Variants in PIK3CB observed in about 807,000 individuals in gnomAD.
PIK3CB encodes the protein phosphatidylinositol-4,5-bisphosphate 3-kinase catalytic subunit beta.
PIK3CB carries 39 observed loss-of-function variants against 136.8 expected under a neutral mutation model. The observed-to-expected ratio is 0.29, with a 90% CI of 0.22 to 0.37. The LOEUF (loss-of-function observed/expected upper bound fraction) is 0.37, where lower values mean the gene tolerates loss of function less well. PIK3CB is among the 10% of genes least tolerant of loss of function. The pLI, the probability that PIK3CB is intolerant of heterozygous loss-of-function variation, is 1.00. For missense variants in PIK3CB, 868 were observed against 1,275.4 expected (o/e 0.68, Z 4.87); for synonymous variants, 428 against 436.6 (o/e 0.98, Z 0.25).
Position 138,684,714 on chromosome 3 carries a change from C to T in PIK3CB, c.2226G>A (p.Met742Ile), listed in dbSNP as rs1235228469. 6.2e-7 allele frequency: 1 copy of T among 1,613,754 alleles called. No homozygotes were observed. Residue 742 changes from methionine (M) to isoleucine (I), a missense_variant, in exon 17 of 24, where the codon ATG becomes ATA. Met to Ile is a conservative substitution (Grantham distance 10). Coordinates refer to ENST00000674063, the MANE Select transcript of PIK3CB (RefSeq NM_006219.3). ...KLNRAKGKEA[M>I]HTCLKQSAYR... The stretch of plus-strand genomic sequence containing the variant: ...AAGCACTCTGTTTTAAACAGGTATG[C>T]ATGGCCTCCTTCCCTTTGGCTCTGT...
At chr3:138,757,572 GAAAT>G (rs1478262742) in intron 3 of PIK3CB, among the ~76,000 whole-genome samples, 1 of 133,796 alleles carries the variant, frequency 7.5e-6, no homozygotes, top group East Asian at 2.2e-4. Context: ...AAAAAGGAAA[GAAAT>G]AATGTAAGAA....
chr3:138,743,209 T>A (rs1005817877), intron 4 of PIK3CB, among the ~76,000 whole-genome samples: 1 of 152,152 alleles, frequency 6.6e-6, no homozygotes, highest in African/African-American at 2.4e-5. Flanking sequence ...AAACTAAGAA[T>A]CAAGTTATTA....
chr3:138,654,246 A>T lies in PIK3CB; in HGVS notation c.*1143T>A, dbSNP rs1342927131. 1 of 214,370 alleles carries T rather than the reference A, an allele frequency of 4.7e-6. No homozygotes were observed. The highest frequency in any genetic ancestry group is 9.4e-6 in the Non-Finnish European group (1 of 106,284). 13.3% of individuals were successfully genotyped at this position (214,370 alleles called of 1,614,324 possible). On this transcript the variant is annotated 3_prime_UTR_variant, in exon 24 of 24. Coordinates refer to ENST00000674063, the MANE Select transcript of PIK3CB (RefSeq NM_006219.3). ...CAGGACTCAGAGAGATCACCCATTT[A>T]CACATTCAAACCAGTAGTTCCTATT...
At chr3:138,695,744 T>C (rs2044122773) in intron 13 of PIK3CB, among the ~76,000 whole-genome samples, 1 of 151,992 alleles carries the variant, frequency 6.6e-6, no homozygotes, top group Non-Finnish European at 1.5e-5. Flanking sequence ...CATATATTTA[T>C]ATAAATTGTT....
At chr3:138,743,099 T>G (rs545398460) in intron 4 of PIK3CB, among the ~76,000 whole-genome samples, 1 of 152,220 alleles carries the variant, frequency 6.6e-6, no homozygotes, top group African/African-American at 2.4e-5. Context: ...CATAAAAGAT[T>G]CATTGTTTTT....
chr3:138,695,056 G>A (rs1200740842), intron 13 of PIK3CB, 149 bp from the exon 14 acceptor site: 1 of 603,882 alleles, frequency 1.7e-6, no homozygotes, highest in African/African-American at 1.9e-5. Context: ...TGTTAATAGA[G>A]ACTAATAAAG....
At chr3:138,716,984 G>A (rs899303156) in intron 8 of PIK3CB, among the ~76,000 whole-genome samples, 12 of 148,924 alleles carry the variant, frequency 8.1e-5, no homozygotes, top group Admixed American at 3.4e-4. Context: ...GGCTGGGCAC[G>A]GTGGCTCATG....
In PIK3CB at chr3:138,699,028, A is replaced by G; in HGVS notation, c.1649T>C (p.Leu550Pro). ...AATAAGATCCATTTCATTTTCACAC[A>G]GTTGAGACAAGGGATCCCTGTCCAA... ...EILDRDPLSQ[L>P]CENEMDLIWT... The change falls in exon 13 of 24, where the codon CTG becomes CCG. Residue 550 changes from leucine (L) to proline (P), a missense_variant. By Grantham distance (98) the Leu-to-Pro change is moderately conservative (BLOSUM62 -3). Transcript: ENST00000674063. The G allele has an allele frequency of 6.2e-7, 1 of 1,604,982 alleles. No homozygotes were observed. Among genetic ancestry groups the G allele is most frequent in the Non-Finnish European group, 8.5e-7 (1 of 1,173,522 alleles).
chr3:138,729,208 G>C (rs945071434), intron 8 of PIK3CB, among the ~76,000 whole-genome samples: 9 of 151,836 alleles, frequency 5.9e-5, no homozygotes, highest in Non-Finnish European at 1.3e-4. Flanking sequence ...TTGAACCCGG[G>C]AGGCGGAGGT....
intron 1 of PIK3CB, among the ~76,000 whole-genome samples, chr3:138,800,029 T>C (rs192938784): frequency 8.1e-4 from 124 of 152,162 alleles, no homozygotes; most frequent in Non-Finnish European, 1.4e-3. Context: ...GCCTTACTGG[T>C]ATATTTTCTC....
intron 2 of PIK3CB, among the ~76,000 whole-genome samples, chr3:138,768,893 G>A (rs954235837): frequency 1.3e-5 from 2 of 152,218 alleles, no homozygotes; most frequent in African/African-American, 4.8e-5. Context: ...AGGCATTTCC[G>A]AGCCTGAGAG....
At chr3:138,745,091 A>G (rs1348185509) in intron 4 of PIK3CB, among the ~76,000 whole-genome samples, 1 of 152,142 alleles carries the variant, frequency 6.6e-6, no homozygotes, top group Non-Finnish European at 1.5e-5. Flanking sequence ...AACTTTTTCT[A>G]TATGAACGAT....
intron 1 of PIK3CB, among the ~76,000 whole-genome samples, chr3:138,807,424 A>G (rs549611019): frequency 2.1e-4 from 32 of 152,288 alleles, no homozygotes; most frequent in South Asian, 4.1e-4. Context: ...ACAGAGTGAA[A>G]CTGTCTCAAA....
At chr3:138,695,475 GT>G (rs2044117153) in intron 13 of PIK3CB, among the ~76,000 whole-genome samples, 1 of 151,986 alleles carries the variant, frequency 6.6e-6, no homozygotes. Context: ...AATAAAAACC[GT>G]TTATATTTTA....
At chr3:138,718,276 T>C (rs1329830975) in intron 8 of PIK3CB, among the ~76,000 whole-genome samples, 1 of 152,234 alleles carries the variant, frequency 6.6e-6, no homozygotes, top group Non-Finnish European at 1.5e-5. Flanking sequence ...TCTCTAATGA[T>C]CAGTGACATT....
chr3:138,660,779 T>C (rs1364667383), intron 21 of PIK3CB, among the ~76,000 whole-genome samples: 1 of 152,208 alleles, frequency 6.6e-6, no homozygotes, highest in Non-Finnish European at 1.5e-5. Context: ...AATGAAGACA[T>C]ACTTCAAAAC....
chr3:138,719,374 T>C (rs1053091740), intron 8 of PIK3CB, among the ~76,000 whole-genome samples: 3 of 150,562 alleles, frequency 2.0e-5, no homozygotes, highest in Non-Finnish European at 2.9e-5. Context: ...GCCTCCCAAG[T>C]AGCTGGGATT....
intron 1 of PIK3CB, among the ~76,000 whole-genome samples, chr3:138,824,668 G>A (rs1194047143): frequency 6.6e-6 from 1 of 151,526 alleles, no homozygotes; most frequent in Non-Finnish European, 1.5e-5. Context: ...ACTCCAGCCT[G>A]GGCAACAAGA....
intron 1 of PIK3CB, among the ~76,000 whole-genome samples, chr3:138,799,029 C>T (rs141692599): frequency 1.6e-3 from 241 of 152,120 alleles, no homozygotes; most frequent in African/African-American, 5.6e-3. Context: ...CAAGACCAGA[C>T]TGGGCAACAT....
Sources: allele counts gnomAD v4.1 joint callset (sites outside exome capture counted in the v4.1 genomes callset), GRCh38; gene constraint gnomAD v4.1.1; transcripts MANE v1.5; gene names NCBI Gene and HGNC (gene_info 2026-07-23, HGNC 2026-07-21).